GSPT1: variants seen among roughly 807,000 people sequenced by gnomAD.
The protein encoded by GSPT1 is G1 to S phase transition 1, also known as eukaryotic peptide chain release factor GTP-binding subunit ERF3A.
In GSPT1, 20 loss-of-function variants were observed where a neutral mutation model predicts 72.5. That is an observed-to-expected ratio of 0.28 (90% confidence interval 0.19 to 0.40). The LOEUF (loss-of-function observed/expected upper bound fraction) is 0.40, where lower values mean the gene tolerates loss of function less well. Ranked by LOEUF, GSPT1 falls within the 10% of genes least tolerant of loss-of-function variation. GSPT1 has a pLI of 1.00. For synonymous variants in GSPT1, 334 were observed against 293.5 expected (o/e 1.14, Z -1.41); for missense variants, 580 against 811.9 (o/e 0.71, Z 3.47).
At chr16:11,891,972 TTAAAG>T (rs1384010178) in intron 5 of GSPT1, among the ~76,000 whole-genome samples, 5 of 151,910 alleles carry the variant, frequency 3.3e-5, no homozygotes, top group African/African-American at 4.8e-5. Context: ...CAGAAAATAG[TTAAAG>T]TAAAGGAACC....
At chr16:11,901,492 A>AT (rs2054405127) in intron 1 of GSPT1, among the ~76,000 whole-genome samples, 1 of 152,004 alleles carries the variant, frequency 6.6e-6, no homozygotes, top group Middle Eastern at 3.2e-3. Context: ...AAATGGAACA[A>AT]TTTTTTCTAA....
intron 1 of GSPT1, among the ~76,000 whole-genome samples, chr16:11,910,343 C>T (rs926688987): frequency 3.9e-5 from 6 of 152,240 alleles, no homozygotes; most frequent in Admixed American, 2.6e-4. Flanking sequence ...ACTTACCACA[C>T]TGTGACTTCC....
chr16:11,893,463 G>A (rs1323827101), intron 5 of GSPT1, among the ~76,000 whole-genome samples: 1 of 151,952 alleles, frequency 6.6e-6, no homozygotes, highest in African/African-American at 2.4e-5. Context: ...AAATGTAAAT[G>A]TAGGTACTAT....
chr16:11,916,008 C>G, upstream of GSPT1: 1 of 676,604 alleles, frequency 1.5e-6, no homozygotes, highest in Non-Finnish European at 2.8e-6. Context: ...AACCCCACCC[C>G]CGGCGCGGAT....
At position 11,883,005 on chromosome 16, in the gene GSPT1, C is replaced by T. The variant is rs756896162; in HGVS notation, c.1428+10G>A. On this transcript the variant is annotated intron_variant, in intron 11 of 14. Coordinates refer to ENST00000434724, the MANE Select transcript of GSPT1 (RefSeq NM_002094.4). ...ATAAATAGATAGGAAACAGCATAAC[C>T]GATTCTTACCTTGTTTGGCATCATC... 5.0e-5 allele frequency: 78 copies of T among 1,546,838 alleles called. No homozygotes were observed. The highest frequency in any genetic ancestry group is 6.7e-5 in the East Asian group (3 of 44,568).
At chr16:11,878,468 C>T (rs1288228405) in intron 11 of GSPT1, among the ~76,000 whole-genome samples, 1 of 151,958 alleles carries the variant, frequency 6.6e-6, no homozygotes, top group Admixed American at 6.6e-5. Flanking sequence ...AGTCCACATG[C>T]CTTTAGCCCC....
chr16:11,915,673 C>CCCG lies in GSPT1; in HGVS notation c.45_47dup (p.Gly16dup), dbSNP rs3031121. Reference sequence around the variant, plus strand: ...CGCTGCTGCTGCTGCCGCTGCTGCTCCCGCCGCCGCCGCCGCCGCCGCCGC... The same window carrying CCCG: ...CGCTGCTGCTGCTGCCGCTGCTGCTCCCGCCGCCGCCGCCGCCGCCGCCGCCGC... On this transcript the variant is annotated inframe_insertion, in exon 1 of 15. Transcript: ENST00000434724. 0.17 allele frequency: 251,445 copies of CCCG among 1,465,522 alleles called. 6,861 individuals carry two copies. Among genetic ancestry groups the CCCG allele is most frequent in the South Asian group, 0.2 (15,671 of 77,552 alleles). The allele number at this position is 1,465,522 out of a possible 1,614,324, so 90.8% of individuals were successfully genotyped here.
intron 5 of GSPT1, among the ~76,000 whole-genome samples, 165 bp from the exon 6 acceptor site, chr16:11,891,304 A>C (rs563657475): frequency 1.4e-5 from 2 of 147,966 alleles, no homozygotes; most frequent in Non-Finnish European, 3.0e-5. Flanking sequence ...CATATATAAC[A>C]TATTTTTATA....
intron 1 of GSPT1, among the ~76,000 whole-genome samples, chr16:11,904,366 G>A (rs1371490252): frequency 6.6e-6 from 1 of 152,044 alleles, no homozygotes; most frequent in East Asian, 1.9e-4. Context: ...CCACGCCTGG[G>A]TAATTTTTTG....
chr16:11,906,429 A>T (rs2054490848), intron 1 of GSPT1, among the ~76,000 whole-genome samples: 1 of 152,170 alleles, frequency 6.6e-6, no homozygotes, highest in Non-Finnish European at 1.5e-5. Flanking sequence ...CCAAGAGTTC[A>T]AGACCAGCCA....
chr16:11,872,431 C>T lies in GSPT1; in HGVS notation c.*688G>A, dbSNP rs1392159733. The T allele has an allele frequency of 2.6e-5, 4 of 151,534 alleles. No homozygotes were observed. Among genetic ancestry groups the T allele is most frequent in the African/African-American group, 9.7e-5 (4 of 41,246 alleles). The allele number at this position is 151,534 out of a possible 1,614,324, so 9.4% of individuals were successfully genotyped here. ...ACTAAAAGACCTAGTAAAGCAGTGT[C>T]ACATTTGCATAAAGGGATTTAACTG... On this transcript the variant is annotated 3_prime_UTR_variant, in exon 15 of 15. Transcript: ENST00000434724.
At chr16:11,903,300 C>G (rs897566176) in intron 1 of GSPT1, among the ~76,000 whole-genome samples, 1 of 152,042 alleles carries the variant, frequency 6.6e-6, no homozygotes, top group African/African-American at 2.4e-5. Context: ...CACATGAGGT[C>G]AGGAGTTTGA....
chr16:11,868,147 A>G lies in GSPT1; in HGVS notation c.*4972T>C, dbSNP rs1003464660. 2.6e-5 allele frequency: 4 copies of G among 152,214 alleles called. No homozygotes were observed. The highest frequency in any genetic ancestry group is 5.9e-5 in the Non-Finnish European group (4 of 68,032). The allele number at this position is 152,214 out of a possible 1,614,324, so 9.4% of individuals were successfully genotyped here. A position where few individuals can be genotyped will look rare whatever the true frequency, so the allele number is the denominator to read the frequency against. ...AAATCCTTCAAAAGGGAAGATGACAACTTTTATTGTTATTACAAAAGCAAA... is the reference window on the plus strand; with the variant it reads ...AAATCCTTCAAAAGGGAAGATGACAGCTTTTATTGTTATTACAAAAGCAAA... On this transcript the variant is annotated 3_prime_UTR_variant, in exon 15 of 15. Transcript: ENST00000434724.
chr16:11,897,085 G>A (rs2054349659), intron 3 of GSPT1, among the ~76,000 whole-genome samples: 1 of 152,060 alleles, frequency 6.6e-6, no homozygotes. Flanking sequence ...ATTCCCAACA[G>A]CCTAGTTATT....
At chr16:11,895,079 A>AAT (rs2054317151) in intron 4 of GSPT1, 92 bp from the exon 5 acceptor site, 1 of 760,544 alleles carries the variant, frequency 1.3e-6, no homozygotes, top group African/African-American at 1.7e-5. Flanking sequence ...ATACATAATT[A>AAT]AATCTTCCAT....
At chr16:11,875,009 G>A (rs1004856256) in intron 14 of GSPT1, among the ~76,000 whole-genome samples, 1 of 152,182 alleles carries the variant, frequency 6.6e-6, no homozygotes, top group African/African-American at 2.4e-5. Flanking sequence ...GGCTAACGTG[G>A]TGAAACCCCG....
intron 5 of GSPT1, among the ~76,000 whole-genome samples, chr16:11,893,772 C>A (rs1187932352): frequency 6.6e-6 from 1 of 152,120 alleles, no homozygotes. Context: ...GACACTTCAA[C>A]CACAGAGACC....
In GSPT1 at chr16:11,896,762, A is replaced by G. The variant is rs758858147; in HGVS notation, c.460T>C (p.Ser154Pro). 3 of 1,588,428 alleles carry G rather than the reference A, an allele frequency of 1.9e-6. No individual in the cohort carries two copies. The highest frequency in any genetic ancestry group is 1.8e-5 in the Admixed American group (1 of 55,958). ...PIVENGETEM[S>P]PEESWEHKEE... is the part of the protein sequence containing the mutation. Reference sequence around the variant, plus strand: ...TTGTGCTCCCATGATTCTTCTGGAGACATTTCTGTCTCTCCATTTTCTACT... The same window carrying G: ...TTGTGCTCCCATGATTCTTCTGGAGGCATTTCTGTCTCTCCATTTTCTACT... Residue 154 changes from serine to proline, a missense_variant, in exon 4 of 15, where the codon TCT becomes CCT. Physicochemically the swap from Ser to Pro is moderately conservative, Grantham distance 74 (BLOSUM62 -1). Coordinates refer to ENST00000434724, the MANE Select transcript of GSPT1 (RefSeq NM_002094.4).
intron 9 of GSPT1, 90 bp downstream of exon 9, chr16:11,886,381 G>T: frequency 1.3e-6 from 1 of 782,592 alleles, no homozygotes; most frequent in Non-Finnish European, 2.0e-6. Context: ...AAAAGCATAT[G>T]TTAACATGTT....
Sources: gnomAD v4.1 joint callset for allele counts (sites outside exome capture counted in the v4.1 genomes callset) on GRCh38, gnomAD v4.1.1 for gene constraint, MANE v1.5 for transcripts, NCBI Gene and HGNC (gene_info 2026-07-23, HGNC 2026-07-21) for gene names.